PRDM5: variants seen among roughly 807,000 people sequenced by gnomAD.
The protein encoded by PRDM5 is PR/SET domain 5.
A neutral mutation model predicts 81.2 loss-of-function variants in PRDM5; 56 were observed. That is an observed-to-expected ratio of 0.69 (90% confidence interval 0.56 to 0.86). PRDM5 has a LOEUF of 0.86. Ranked by LOEUF, PRDM5 falls within the 40% of genes least tolerant of loss-of-function variation. The probability of loss-of-function intolerance (pLI) is 0.00; values close to 1 mark genes in which losing one functional copy is unlikely to be tolerated. For missense variants in PRDM5, 697 were observed against 770.1 expected, an observed-to-expected ratio of 0.91 and a Z score of 1.12; for synonymous variants, 267 against 256.4, an observed-to-expected ratio of 1.04 and a Z score of -0.39.
chr4:120,772,325 G>A (rs1272787670), intron 13 of PRDM5, among the ~76,000 whole-genome samples: 1 of 152,170 alleles, frequency 6.6e-6, no homozygotes, highest in Non-Finnish European at 1.5e-5. Context: ...AAGTTTTGGA[G>A]TTGAGTTCTA....
chr4:120,710,244 C>T (rs1736770759), intron 15 of PRDM5, 65 bp downstream of exon 15: 9 of 1,285,380 alleles, frequency 7.0e-6, no homozygotes, highest in Non-Finnish European at 8.9e-6. Context: ...CACACATACA[C>T]ACACACACAC....
chr4:120,901,273 A>G (rs1342563291), intron 2 of PRDM5, among the ~76,000 whole-genome samples: 2 of 152,184 alleles, frequency 1.3e-5, no homozygotes, highest in Non-Finnish European at 2.9e-5. Context: ...CATGTTATTT[A>G]TCCAGTCCAC....
chr4:120,755,046 T>C (rs994186649), intron 13 of PRDM5, among the ~76,000 whole-genome samples: 1 of 152,230 alleles, frequency 6.6e-6, no homozygotes, highest in Non-Finnish European at 1.5e-5. Context: ...CACCTTGTTC[T>C]GTTTAATTTT....
chr4:120,743,979 T>G (rs1182877245), intron 14 of PRDM5, among the ~76,000 whole-genome samples: 2 of 151,938 alleles, frequency 1.3e-5, no homozygotes, highest in African/African-American at 4.8e-5. Context: ...GAATATACAT[T>G]TTTTTCAGCA....
intron 14 of PRDM5, among the ~76,000 whole-genome samples, chr4:120,737,756 T>A (rs749294036): frequency 4.6e-5 from 7 of 152,228 alleles, no homozygotes; most frequent in Non-Finnish European, 7.3e-5. Context: ...AGAGACAATG[T>A]CTGATTTGTG....
intron 8 of PRDM5, among the ~76,000 whole-genome samples, chr4:120,807,349 A>G (rs1753138585): frequency 6.6e-6 from 1 of 152,252 alleles, no homozygotes; most frequent in Admixed American, 6.5e-5. Context: ...ATATGGGTAT[A>G]TACCATTACT....
At chr4:120,690,991 A>G (rs976701409), downstream of PRDM5, among the ~76,000 whole-genome samples, 1 of 152,134 alleles carries the variant, frequency 6.6e-6, no homozygotes, top group Non-Finnish European at 1.5e-5. Context: ...AAAAGTTTGC[A>G]TTATTAGGAA....
chr4:120,831,973 C>T (rs1211629393), intron 3 of PRDM5, among the ~76,000 whole-genome samples: 1 of 152,052 alleles, frequency 6.6e-6, no homozygotes, highest in Non-Finnish European at 1.5e-5. Flanking sequence ...GGAACAGGCC[C>T]CCCATACATA....
chr4:120,915,204 A>C (rs1723988631), intron 1 of PRDM5, among the ~76,000 whole-genome samples: 1 of 152,208 alleles, frequency 6.6e-6, no homozygotes, highest in Non-Finnish European at 1.5e-5. Context: ...TATCACTACT[A>C]TCCTAACAAT....
rs1033998717 is a variant in PRDM5, at chr4:120,774,869, T to C, written c.1537+2319A>G. Among the ~76,000 whole-genome samples, 117 of 113,174 alleles carry C rather than the reference T, an allele frequency of 1.0e-3. 2 individuals carry two copies. The highest frequency in any genetic ancestry group is 5.1e-3 in the African/African-American group (114 of 22,524). The allele number at this position is 113,174 out of a possible 152,430, so 74.2% of individuals were successfully genotyped here. The stretch of plus-strand genomic sequence containing the variant: ...ACATACACCACTTTCTCCTTCTCTG[T>C]CTCTCTCTCTCTCTCTTTCTATATA... On this transcript the variant is annotated intron_variant, in intron 13 of 15. Coordinates refer to ENST00000264808, the MANE Select transcript of PRDM5 (RefSeq NM_018699.4).
chr4:120,791,873 A>G (rs1039549747), intron 10 of PRDM5, among the ~76,000 whole-genome samples: 1 of 152,074 alleles, frequency 6.6e-6, no homozygotes. Context: ...GAGAGCTTGC[A>G]CTCCCTCTTT....
intron 14 of PRDM5, among the ~76,000 whole-genome samples, chr4:120,729,947 A>G (rs1740010062): frequency 6.6e-6 from 1 of 152,194 alleles, no homozygotes; most frequent in African/African-American, 2.4e-5. Context: ...TAGACCCAAG[A>G]GATACTGTAG....
At chr4:120,897,826 C>T (rs1375776761) in intron 2 of PRDM5, among the ~76,000 whole-genome samples, 2 of 152,282 alleles carry the variant, frequency 1.3e-5, no homozygotes, top group East Asian at 3.9e-4. Flanking sequence ...AATTCTCCAT[C>T]TCTTCCTCTT....
At chr4:120,918,803 ACT>A (rs1354477246) in intron 1 of PRDM5, among the ~76,000 whole-genome samples, 1 of 151,732 alleles carries the variant, frequency 6.6e-6, no homozygotes, top group Non-Finnish European at 1.5e-5. Flanking sequence ...ACTCCCTGCA[ACT>A]CTCTGGGCTT....
intron 2 of PRDM5, among the ~76,000 whole-genome samples, chr4:120,890,426 A>G (rs1020109581): frequency 5.9e-5 from 9 of 152,240 alleles, no homozygotes; most frequent in African/African-American, 2.2e-4. Flanking sequence ...TCACAAATTG[A>G]CATGATTTGG....
chr4:120,744,975 C>T (rs1163266949), intron 14 of PRDM5, among the ~76,000 whole-genome samples: 1 of 145,252 alleles, frequency 6.9e-6, no homozygotes, highest in Non-Finnish European at 1.5e-5. Context: ...AGAGACACAA[C>T]CAAAAAAGAG....
chr4:120,884,451 C>A (rs537488910), intron 2 of PRDM5, among the ~76,000 whole-genome samples: 1 of 152,174 alleles, frequency 6.6e-6, no homozygotes, highest in Non-Finnish European at 1.5e-5. Context: ...GTTCCTACAA[C>A]TAAAAACACT....
At chr4:120,713,536 T>A (rs1051615122) in intron 14 of PRDM5, among the ~76,000 whole-genome samples, 3 of 152,352 alleles carry the variant, frequency 2.0e-5, no homozygotes, top group Non-Finnish European at 4.4e-5. Context: ...TTTTATTACA[T>A]GTTTTAGATT....
chr4:120,734,319 C>T (rs1740733195), intron 14 of PRDM5, among the ~76,000 whole-genome samples: 1 of 151,802 alleles, frequency 6.6e-6, no homozygotes, highest in African/African-American at 2.4e-5. Context: ...TGCAGCCATA[C>T]ATGGGATGCA....
Sources: gnomAD v4.1 joint callset for allele counts (sites outside exome capture counted in the v4.1 genomes callset) on GRCh38, gnomAD v4.1.1 for gene constraint, MANE v1.5 for transcripts, NCBI Gene and HGNC (gene_info 2026-07-23, HGNC 2026-07-21) for gene names.